The following ERMAP variants were observed in gnomAD, a reference collection of about 807,000 sequenced individuals.
ERMAP encodes erythroid membrane-associated protein.
A neutral mutation model predicts 49.5 loss-of-function variants in ERMAP; 34 were observed. That is an observed-to-expected ratio of 0.69 (90% confidence interval 0.52 to 0.91). ERMAP has a LOEUF of 0.91. Ranked by LOEUF, ERMAP falls within the 40% of genes least tolerant of loss-of-function variation. ERMAP has a pLI of 0.00. For missense variants in ERMAP, 541 were observed against 582.6 expected, an observed-to-expected ratio of 0.93 and a Z score of 0.74; for synonymous variants, 214 against 232.2, an observed-to-expected ratio of 0.92 and a Z score of 0.71.
Position 42,844,291 on chromosome 1 carries a change from C to T in ERMAP, c.*1059C>T, listed in dbSNP as rs935508733. 1.5e-5 allele frequency: 6 copies of T among 395,078 alleles called. No individual in the cohort carries two copies. Among genetic ancestry groups the T allele is most frequent in the African/African-American group, 6.2e-5 (3 of 48,544 alleles). The allele number at this position is 395,078 out of a possible 1,614,324, so 24.5% of individuals were successfully genotyped here. Reference sequence around the variant, plus strand: ...TTTTGGGTGTGTATTGCAGAAGCCTCGTCGCTTTCAAGTCACATCATATAT... The same window carrying T: ...TTTTGGGTGTGTATTGCAGAAGCCTTGTCGCTTTCAAGTCACATCATATAT... On this transcript the variant is annotated 3_prime_UTR_variant, in exon 12 of 12. Transcript: ENST00000372517. This position sits in a 1 kb window ranked among gnomAD's most constrained non-coding sequence, Gnocchi z 4.0.
At position 42,844,253 on chromosome 1, in the gene ERMAP, T is replaced by C. The variant is rs1205920987; in HGVS notation, c.*1021T>C. The C allele has an allele frequency of 7.6e-6, 3 of 397,222 alleles. No individual in the cohort carries two copies. The highest frequency in any genetic ancestry group is 1.3e-5 in the Non-Finnish European group (3 of 225,636). The allele number at this position is 397,222 out of a possible 1,614,324, so 24.6% of individuals were successfully genotyped here. A position where few individuals can be genotyped will look rare whatever the true frequency, so the allele number is the denominator to read the frequency against. On this transcript the variant is annotated 3_prime_UTR_variant, in exon 12 of 12. Coordinates refer to ENST00000372517, the MANE Select transcript of ERMAP (RefSeq NM_001017922.2). The surrounding 1 kb of genome is among the most constrained non-coding windows in gnomAD (Gnocchi z 4.0). The stretch of plus-strand genomic sequence containing the variant: ...TGGTAGACTAGGTGTGAGGATGAAA[T>C]AATGACCTTGATTTTTGGGTGTGTA...
intron 1 of ERMAP, 25 bp downstream of exon 1, chr1:42,817,278 C>T (rs1017456793): frequency 1.6e-6 from 2 of 1,230,894 alleles, no homozygotes; most frequent in African/African-American, 1.6e-5. Flanking sequence ...CCCCCGACCA[C>T]TGGACCCAGC....
intron 2 of ERMAP, among the ~76,000 whole-genome samples, chr1:42,826,684 C>T (rs1025842244): frequency 1.3e-4 from 19 of 151,766 alleles, no homozygotes; most frequent in African/African-American, 1.9e-4. Context: ...GGTGAAACTC[C>T]GTCTCTACTA....
At chr1:42,834,261 G>A (rs368294875) in intron 4 of ERMAP, among the ~76,000 whole-genome samples, 14 of 150,750 alleles carry the variant, frequency 9.3e-5, no homozygotes, top group African/African-American at 3.0e-4. Flanking sequence ...CTACTGCTGC[G>A]GCATCATAGA....
chr1:42,835,875 T>A (rs1654882499), intron 6 of ERMAP, 111 bp downstream of exon 6: 1 of 1,474,410 alleles, frequency 6.8e-7, no homozygotes, highest in Admixed American at 2.7e-5. Context: ...TTATCTGCTA[T>A]CCTTGGTGAT....
At chr1:42,830,352 G>C in intron 2 of ERMAP, 92 bp from the exon 3 acceptor site, 1 of 1,096,250 alleles carries the variant, frequency 9.1e-7, no homozygotes, top group Non-Finnish European at 1.4e-6. Flanking sequence ...CAGAGCACCA[G>C]CAATACCGTC....
At chr1:42,817,297 C>T (rs1365047217) in intron 1 of ERMAP, 44 bp downstream of exon 1, 2 of 1,196,178 alleles carry the variant, frequency 1.7e-6, no homozygotes, top group Non-Finnish European at 2.2e-6. Context: ...GCGCTGCCTG[C>T]CCACCGCCCC....
chr1:42,831,204 T>A lies in ERMAP; in HGVS notation c.433+89T>A, dbSNP rs765166682. ...ACTTTGTCTCTCCATGTCTAGACTT[T>A]TCTTTCATCTGCAGTGTAGTTTTTA... On this transcript the variant is annotated intron_variant, in intron 4 of 11. Coordinates refer to ENST00000372517, the MANE Select transcript of ERMAP (RefSeq NM_001017922.2). 820 of 1,441,784 alleles carry A rather than the reference T, an allele frequency of 5.7e-4. 1 individual carries two copies. Among genetic ancestry groups the A allele is most frequent in the Middle Eastern group, 2.1e-3 (11 of 5,342 alleles). The allele number at this position is 1,441,784 out of a possible 1,614,324, so 89.3% of individuals were successfully genotyped here. A position where few individuals can be genotyped will look rare whatever the true frequency, so the allele number is the denominator to read the frequency against.
chr1:42,827,326 C>G (rs903570511), intron 2 of ERMAP, among the ~76,000 whole-genome samples: 6 of 152,140 alleles, frequency 3.9e-5, no homozygotes, highest in African/African-American at 1.4e-4. Flanking sequence ...CATACCACCA[C>G]AGCCAGTTGA....
At chr1:42,824,831 G>C (rs1248750595) in intron 1 of ERMAP, 3 of 152,118 alleles carry the variant, frequency 2.0e-5, no homozygotes, top group Non-Finnish European at 4.4e-5. Context: ...GTGAACTTCT[G>C]GGCTGCACAG....
chr1:42,824,146 C>T (rs1414920365), intron 1 of ERMAP, among the ~76,000 whole-genome samples: 4 of 151,822 alleles, frequency 2.6e-5, no homozygotes, highest in African/African-American at 7.3e-5. Flanking sequence ...AGATCAAGAC[C>T]ATCCTGGCTA....
intron 8 of ERMAP, chr1:42,839,742 A>T (rs1655004492): frequency 2.0e-6 from 1 of 510,760 alleles, no homozygotes; most frequent in African/African-American, 1.9e-5. Flanking sequence ...TTCCTACAAC[A>T]TCTACATAAT....
chr1:42,821,305 G>A (rs367643826), intron 1 of ERMAP, among the ~76,000 whole-genome samples: 1 of 152,252 alleles, frequency 6.6e-6, no homozygotes, highest in South Asian at 2.1e-4. Flanking sequence ...TATTTAACTG[G>A]AAATCTAGAG....
At chr1:42,841,392 C>T (rs1484937483) in intron 11 of ERMAP, among the ~76,000 whole-genome samples, 4 of 152,098 alleles carry the variant, frequency 2.6e-5, no homozygotes, top group South Asian at 2.1e-4. Flanking sequence ...ATAATAATTT[C>T]GTCCTACGTA....
intron 6 of ERMAP, 85 bp downstream of exon 6, chr1:42,835,849 G>C: frequency 1.3e-6 from 2 of 1,516,244 alleles, no homozygotes; most frequent in Non-Finnish European, 1.8e-6. Context: ...CCTGGATTCT[G>C]TTCCTGAAAA....
chr1:42,844,088 G>A lies in ERMAP; in HGVS notation c.*856G>A. 2.5e-6 allele frequency: 1 copy of A among 398,600 alleles called. No homozygotes were observed. Among genetic ancestry groups the A allele is most frequent in the Middle Eastern group, 6.3e-4 (1 of 1,588 alleles). 24.7% of individuals were successfully genotyped at this position (398,600 alleles called of 1,614,324 possible). The stretch of plus-strand genomic sequence containing the variant: ...CCAACCCTTTCTGAGATTCAGAGAG[G>A]TCCAGCTAGAAAAAGTGGCAGTTTT... On this transcript the variant is annotated 3_prime_UTR_variant, in exon 12 of 12. Coordinates refer to ENST00000372517, the MANE Select transcript of ERMAP (RefSeq NM_001017922.2). This position sits in a 1 kb window ranked among gnomAD's most constrained non-coding sequence, Gnocchi z 4.0.
In ERMAP at chr1:42,825,737, T is replaced by TGGTG. The variant is rs1570531065; in HGVS notation, c.-6_-6+3dup. 1 of 1,289,308 alleles carries TGGTG rather than the reference T, an allele frequency of 7.8e-7. No individual in the cohort carries two copies. Among genetic ancestry groups the TGGTG allele is most frequent in the East Asian group, 5.6e-5 (1 of 18,012 alleles). The allele number at this position is 1,289,308 out of a possible 1,614,324, so 79.9% of individuals were successfully genotyped here. Reference sequence around the variant, plus strand: ...GAACAAGCGTCCCTGATCCAGAAGGTGGTGAGTCCTCCTCTCTCTCTTCAT... The same window carrying TGGTG: ...GAACAAGCGTCCCTGATCCAGAAGGTGGTGGGTGAGTCCTCCTCTCTCTCTTCAT... On this transcript the variant is annotated splice_region_variant and 5_prime_UTR_variant, in exon 2 of 12. Coordinates refer to ENST00000372517, the MANE Select transcript of ERMAP (RefSeq NM_001017922.2).
chr1:42,818,943 A>C (rs940879595), intron 1 of ERMAP, among the ~76,000 whole-genome samples: 5 of 152,190 alleles, frequency 3.3e-5, no homozygotes, highest in African/African-American at 1.2e-4. Flanking sequence ...CATTTGTGTC[A>C]CATGGTATGG....
At chr1:42,820,486 A>G (rs1376336040) in intron 1 of ERMAP, among the ~76,000 whole-genome samples, 2 of 151,456 alleles carry the variant, frequency 1.3e-5, no homozygotes, top group African/African-American at 4.9e-5. Context: ...CAGCCTCCCA[A>G]AGTACTCAGA....
Sources: allele counts gnomAD v4.1 joint callset (sites outside exome capture counted in the v4.1 genomes callset), GRCh38; gene constraint gnomAD v4.1.1; non-coding constraint Gnocchi (gnomAD v3.1); transcripts MANE v1.5; gene names NCBI Gene and HGNC (gene_info 2026-07-23, HGNC 2026-07-21).